Variants in NRDC observed in about 807,000 individuals in gnomAD.
NRDC encodes nardilysin convertase.
Under a neutral mutation model 147.1 loss-of-function variants are expected in NRDC, and 54 were observed. That is an observed-to-expected ratio of 0.37 (90% CI 0.29 to 0.46). NRDC has a LOEUF of 0.46. Among genes scored for constraint, NRDC ranks in the 20% least tolerant of loss-of-function variants. The pLI is 1.00. For synonymous variants in NRDC, 440 were observed against 482.1 expected (o/e 0.91, Z 1.14); for missense variants, 1,082 against 1,370.6 (o/e 0.79, Z 3.33).
chr1:51,825,228 T>C (rs1680392168), intron 6 of NRDC, 59 bp downstream of exon 6: 2 of 1,131,726 alleles, frequency 1.8e-6, no homozygotes, highest in African/African-American at 1.6e-5. Flanking sequence ...TTATCAACTT[T>C]TCTTATTCTA....
intron 14 of NRDC, among the ~76,000 whole-genome samples, chr1:51,813,327 A>C (rs1679815510): frequency 6.6e-6 from 1 of 152,224 alleles, no homozygotes; most frequent in Non-Finnish European, 1.5e-5. Context: ...CAGGTCCTTC[A>C]GATACCAAGT....
intron 22 of NRDC, among the ~76,000 whole-genome samples, chr1:51,797,386 T>C (rs922957898): frequency 9.2e-5 from 14 of 152,196 alleles, no homozygotes; most frequent in Non-Finnish European, 1.9e-4. Context: ...TGAATTTGAC[T>C]ACTTTAGATA....
intron 24 of NRDC, among the ~76,000 whole-genome samples, chr1:51,792,631 C>A (rs988098334): frequency 2.6e-5 from 4 of 152,160 alleles, no homozygotes; most frequent in Non-Finnish European, 4.4e-5. Flanking sequence ...ACCATTTGTA[C>A]TCCCGGCACT....
intron 9 of NRDC, 74 bp from the exon 10 acceptor site, chr1:51,818,209 T>G: frequency 1.1e-6 from 1 of 934,548 alleles, no homozygotes; most frequent in Non-Finnish European, 1.6e-6. Flanking sequence ...ATGTTTAAAA[T>G]TCAATATATT....
intron 1 of NRDC, among the ~76,000 whole-genome samples, chr1:51,866,782 G>A (rs1025138437): frequency 6.6e-6 from 1 of 151,348 alleles, no homozygotes; most frequent in Admixed American, 6.6e-5. Context: ...GATATATACT[G>A]TTTAAAAAGT....
Position 51,814,710 on chromosome 1 carries a change from A to G in NRDC, c.1543T>C (p.Tyr515His). The G allele has an allele frequency of 3.1e-6, 5 of 1,610,338 alleles. No homozygotes were observed. The highest frequency in any genetic ancestry group is 4.2e-6 in the Non-Finnish European group (5 of 1,178,594). Residue 515 changes from tyrosine (Y) to histidine (H), a missense_variant, in exon 12 of 31, where the codon TAT becomes CAT. By Grantham distance (83) the Tyr-to-His change is moderately conservative. Coordinates refer to ENST00000352171, the MANE Select transcript of NRDC (RefSeq NM_001101662.2). ...TTATTTACCTCATAAAAATGTTCAT[A>G]ACCCTCATCAGTCAATGTAATAGAA... ...SISITLTDEGYEHFYEVAYTV... is the reference protein window; with the variant it reads ...SISITLTDEGHEHFYEVAYTV...
intron 1 of NRDC, among the ~76,000 whole-genome samples, chr1:51,866,228 A>G (rs1682798482): frequency 6.6e-6 from 1 of 152,180 alleles, no homozygotes; most frequent in South Asian, 2.1e-4. Flanking sequence ...TCTTTAAAAA[A>G]AAGAAAAGAA....
At chr1:51,862,136 T>A (rs1389340730) in intron 1 of NRDC, 1 of 152,236 alleles carries the variant, frequency 6.6e-6, no homozygotes, top group African/African-American at 2.4e-5. Context: ...ATTAGCTGAT[T>A]TAGCATGAAA....
At chr1:51,840,091 C>T in intron 2 of NRDC, 135 bp downstream of exon 2, 2 of 613,186 alleles carry the variant, frequency 3.3e-6, no homozygotes, top group South Asian at 5.5e-5. Context: ...AAAATGTAAT[C>T]CTGATACAGA....
chr1:51,790,247 A>G (rs1450667426), intron 29 of NRDC, among the ~76,000 whole-genome samples: 1 of 152,146 alleles, frequency 6.6e-6, no homozygotes, highest in Non-Finnish European at 1.5e-5. Context: ...AAACGGCAAA[A>G]CTCTTTTTCT....
At chr1:51,849,393 C>A (rs879820088) in intron 1 of NRDC, among the ~76,000 whole-genome samples, 1 of 151,328 alleles carries the variant, frequency 6.6e-6, no homozygotes, top group Non-Finnish European at 1.5e-5. Flanking sequence ...ACAACTTGGG[C>A]GACAGGGCAA....
At chr1:51,839,231 C>T (rs1313650609) in intron 2 of NRDC, among the ~76,000 whole-genome samples, 1 of 146,174 alleles carries the variant, frequency 6.8e-6, no homozygotes, top group Non-Finnish European at 1.5e-5. Context: ...GTAATCAAAG[C>T]TCACTGCAAC....
chr1:51,811,891 ATAAC>A (rs1475910169), intron 15 of NRDC, 99 bp downstream of exon 15: 1 of 663,276 alleles, frequency 1.5e-6, no homozygotes, highest in African/African-American at 1.8e-5. Context: ...CTGACTAAAT[ATAAC>A]TAAGTTTTCT....
At chr1:51,845,831 T>C (rs982992371) in intron 1 of NRDC, among the ~76,000 whole-genome samples, 4 of 152,168 alleles carry the variant, frequency 2.6e-5, no homozygotes, top group African/African-American at 9.7e-5. Context: ...GGCATATATA[T>C]ACCAAACATT....
intron 8 of NRDC, 99 bp downstream of exon 8, chr1:51,821,399 C>T: frequency 1.5e-6 from 1 of 680,830 alleles, no homozygotes; most frequent in Non-Finnish European, 2.5e-6. Context: ...ATTCTATCAC[C>T]TGTGTAAAAA....
intron 1 of NRDC, among the ~76,000 whole-genome samples, chr1:51,873,283 A>G (rs1683168007): frequency 6.6e-6 from 1 of 152,188 alleles, no homozygotes; most frequent in Non-Finnish European, 1.5e-5. Context: ...GCTTCTGCTC[A>G]GAAGTGAGCC....
rs201363462 is a variant in NRDC, at chr1:51,834,049, G to A, written c.834C>T (p.Val278=). The change falls in exon 4 of 31, where the codon GTC becomes GTT. Residue 278 remains valine, a synonymous_variant. Coordinates refer to ENST00000352171, the MANE Select transcript of NRDC (RefSeq NM_001101662.2). ...GAGCTTCCTTGAAGTACTTCCTCTG[G>A]ACATCAAACTGAAAGACAGTGCGTT... The part of the protein sequence containing the change: ...DCERTVFQFD[V]QRKYFKEALD... 28 of 1,613,852 alleles carry A rather than the reference G, an allele frequency of 1.7e-5. No homozygotes were observed. Among genetic ancestry groups the A allele is most frequent in the Non-Finnish European group, 2.2e-5 (26 of 1,179,950 alleles).
intron 1 of NRDC, among the ~76,000 whole-genome samples, chr1:51,853,225 AT>A (rs199801444): frequency 7.5e-4 from 111 of 147,302 alleles, no homozygotes; most frequent in African/African-American, 1.6e-3. Context: ...CCAAAAAAAA[AT>A]ATATATATAT....
intron 2 of NRDC, chr1:51,837,531 C>T (rs370588884): frequency 1.3e-6 from 2 of 1,591,744 alleles, no homozygotes; most frequent in Non-Finnish European, 1.7e-6. Flanking sequence ...TTGTCTCGAC[C>T]AGCAGGGTTG....
Sources: allele counts gnomAD v4.1 joint callset (sites outside exome capture counted in the v4.1 genomes callset), GRCh38; gene constraint gnomAD v4.1.1; transcripts MANE v1.5; gene names NCBI Gene and HGNC (gene_info 2026-07-23, HGNC 2026-07-21).